ZNF708: variants seen among roughly 807,000 people sequenced by gnomAD.
The protein encoded by ZNF708 is ZNF15, ZNF15L1.
Under a neutral mutation model 47.0 loss-of-function variants are expected in ZNF708, and 44 were observed. That is an observed-to-expected ratio of 0.94 (90% confidence interval 0.74 to 1.20). ZNF708 has a LOEUF of 1.20. ZNF708 is among the 50% of genes most tolerant of loss of function. ZNF708 has a pLI of 0.00. For missense variants in ZNF708, 557 were observed against 656.0 expected, an observed-to-expected ratio of 0.85 and a Z score of 1.65; for synonymous variants, 184 against 218.5, an observed-to-expected ratio of 0.84 and a Z score of 1.39.
rs200005061 is a variant in ZNF708, at chr19:21,310,477, A to T, written c.130+24T>A. 0.012 allele frequency: 4,483 copies of T among 385,458 alleles called. 100 individuals carry two copies. In the East Asian group the frequency reaches 0.22, roughly 19 times the overall value. The allele number at this position is 385,458 out of a possible 1,614,324, so 23.9% of individuals were successfully genotyped here. A position where few individuals can be genotyped will look rare whatever the true frequency, so the allele number is the denominator to read the frequency against. The stretch of plus-strand genomic sequence containing the variant: ...AAAATAATAATAAATAATAAAAATT[A>T]AAAAAAAAAAAACTTATCCTCACCC... On this transcript the variant is annotated intron_variant, in intron 2 of 3. Coordinates refer to ENST00000356929, the MANE Select transcript of ZNF708 (RefSeq NM_021269.3).
intron 3 of ZNF708, chr19:21,307,004 AT>A (rs1449156886): frequency 6.7e-6 from 1 of 148,590 alleles, no homozygotes; most frequent in Non-Finnish European, 1.5e-5. Context: ...ATAACATAAC[AT>A]AACATAAAAC....
At chr19:21,328,988 G>C (rs911386904) in intron 1 of ZNF708, among the ~76,000 whole-genome samples, 12 of 152,186 alleles carry the variant, frequency 7.9e-5, no homozygotes, top group Non-Finnish European at 1.6e-4. Flanking sequence ...TGCAGGCCAG[G>C]GCACAGTCAC....
intron 3 of ZNF708, chr19:21,306,954 ATAAC>A (rs1218027459): frequency 6.4e-4 from 9 of 14,000 alleles, no homozygotes; most frequent in South Asian, 1.9e-3. Flanking sequence ...CAAAAGAAAA[ATAAC>A]ATAACATAAC....
At chr19:21,310,216 G>A (rs1019061308) in intron 2 of ZNF708, among the ~76,000 whole-genome samples, 9 of 152,016 alleles carry the variant, frequency 5.9e-5, no homozygotes, top group African/African-American at 2.2e-4. Context: ...GGAGGCTGAG[G>A]CGGGCAGACC....
chr19:21,316,031 T>C lies in ZNF708; in HGVS notation c.4-5404A>G, dbSNP rs1035779692. Among the ~76,000 whole-genome samples the C allele has an allele frequency of 3.5e-5, 5 of 141,784 alleles. No homozygotes were observed. In the East Asian group the frequency reaches 8.9e-4, roughly 25 times the overall value. The allele number at this position is 141,784 out of a possible 152,430, so 93.0% of individuals were successfully genotyped here. The stretch of plus-strand genomic sequence containing the variant: ...TTGCAGTGAGCCGAGTTCGTGCCAT[T>C]GCACTCCAGCCTGGACAACAAGAGT... On this transcript the variant is annotated intron_variant, in intron 1 of 3. Transcript: ENST00000356929.
chr19:21,307,158 T>TAAA (rs1568349340), intron 3 of ZNF708, among the ~76,000 whole-genome samples: 15 of 113,702 alleles, frequency 1.3e-4, no homozygotes, highest in African/African-American at 1.9e-4. Flanking sequence ...TAAAATATAA[T>TAAA]ATAAAATAAA....
chr19:21,310,375 G>A (rs1460438843), intron 2 of ZNF708, 126 bp downstream of exon 2: 4 of 301,988 alleles, frequency 1.3e-5, no homozygotes, highest in East Asian at 1.1e-4. Flanking sequence ...AACCCTGGAG[G>A]CAAAGGTTGC....
intron 3 of ZNF708, among the ~76,000 whole-genome samples, chr19:21,301,721 C>G (rs1395903007): frequency 6.6e-6 from 1 of 152,080 alleles, no homozygotes; most frequent in African/African-American, 2.4e-5. Context: ...CACTTGAACT[C>G]GGGAGGTGGA....
intron 3 of ZNF708, among the ~76,000 whole-genome samples, chr19:21,300,967 C>T (rs1198422255): frequency 6.6e-6 from 1 of 151,860 alleles, no homozygotes; most frequent in African/African-American, 2.4e-5. Context: ...GCCTGTCATA[C>T]ACAATTATAA....
At chr19:21,311,328 A>G (rs1972894365) in intron 1 of ZNF708, among the ~76,000 whole-genome samples, 3 of 152,102 alleles carry the variant, frequency 2.0e-5, no homozygotes, top group African/African-American at 4.8e-5. Flanking sequence ...AAAATAATTA[A>G]CTCTATGGTG....
rs1193179320 is a variant in ZNF708, at chr19:21,310,533, A to G, written c.98T>C (p.Met33Thr). ...TAQQNLYRNV[M>T]LENYRNLVFL... ...TACCAGGTTTCTATAATTCTCTAAC[A>G]TGACATTCCTATATAAATTCTGCTG... Residue 33 changes from methionine to threonine, a missense_variant, in exon 2 of 4, where the codon ATG becomes ACG. Transcript: ENST00000356929. 6.8e-6 allele frequency: 10 copies of G among 1,464,176 alleles called. No homozygotes were observed. Among genetic ancestry groups the G allele is most frequent in the Non-Finnish European group, 8.2e-6 (9 of 1,103,370 alleles). 90.7% of individuals were successfully genotyped at this position (1,464,176 alleles called of 1,614,324 possible).
chr19:21,319,463 A>T (rs200966995), intron 1 of ZNF708, among the ~76,000 whole-genome samples: 34 of 105,716 alleles, frequency 3.2e-4, no homozygotes, highest in African/African-American at 6.6e-4. Context: ...TTTTTTTTTT[A>T]ATTTTTTGAG....
chr19:21,307,080 T>C (rs1972790772), intron 3 of ZNF708: 1 of 110,658 alleles, frequency 9.0e-6, no homozygotes, highest in African/African-American at 3.5e-5. Flanking sequence ...TAAAATAAAA[T>C]AAAATATAAA....
chr19:21,299,182 C>T (rs1018338232), intron 3 of ZNF708, among the ~76,000 whole-genome samples: 1 of 152,034 alleles, frequency 6.6e-6, no homozygotes, highest in East Asian at 1.9e-4. Flanking sequence ...GGTGAAACCC[C>T]GTCTCTACTA....
In ZNF708 at chr19:21,329,071, T is replaced by C. The variant is rs962441657; in HGVS notation, c.3+139A>G. On this transcript the variant is annotated intron_variant, in intron 1 of 3. Transcript: ENST00000356929. ...CCGCCATCTTATGGCTGAAGGGGACTGAGGCCGAGCTAGGCAAGGAGAACT... is the reference window on the plus strand; with the variant it reads ...CCGCCATCTTATGGCTGAAGGGGACCGAGGCCGAGCTAGGCAAGGAGAACT... 6.7e-6 allele frequency: 9 copies of C among 1,333,540 alleles called. No individual in the cohort carries two copies. The Admixed American group carries it at 1.6e-4, about 23-fold the overall frequency. 82.6% of individuals were successfully genotyped at this position (1,333,540 alleles called of 1,614,324 possible). A position where few individuals can be genotyped will look rare whatever the true frequency, so the allele number is the denominator to read the frequency against.
At chr19:21,308,292 T>C (rs2145167215) in intron 3 of ZNF708, among the ~76,000 whole-genome samples, 1 of 151,896 alleles carries the variant, frequency 6.6e-6, no homozygotes, top group East Asian at 1.9e-4. Flanking sequence ...TTTTTTTTTT[T>C]TTTTGAGATT....
Position 21,329,200 on chromosome 19 carries a change from G to A in ZNF708, c.3+10C>T, listed in dbSNP as rs776343693. 21 of 1,611,844 alleles carry A rather than the reference G, an allele frequency of 1.3e-5. No individual in the cohort carries two copies. The highest frequency in any genetic ancestry group is 5.3e-5 in the African/African-American group (4 of 74,854). ...TTCCCCTCTCTCGGGATGTCGGACG[G>A]CACTCTCACCATTTCTAGGCTTCCA... is the stretch of plus-strand genomic sequence containing the variant. On this transcript the variant is annotated intron_variant, in intron 1 of 3. Transcript: ENST00000356929.
At chr19:21,325,995 A>T (rs1339528790) in intron 1 of ZNF708, among the ~76,000 whole-genome samples, 1 of 152,214 alleles carries the variant, frequency 6.6e-6, no homozygotes, top group Non-Finnish European at 1.5e-5. Flanking sequence ...GGGAAATGCA[A>T]ATCAAAACCA....
chr19:21,302,345 A>G (rs189841078), intron 3 of ZNF708, among the ~76,000 whole-genome samples: 1 of 152,314 alleles, frequency 6.6e-6, no homozygotes, highest in East Asian at 1.9e-4. Flanking sequence ...ATAACTACTG[A>G]AAAATATAAA....
Sources: allele counts gnomAD v4.1 joint callset (sites outside exome capture counted in the v4.1 genomes callset), GRCh38; gene constraint gnomAD v4.1.1; transcripts MANE v1.5; gene names NCBI Gene and HGNC (gene_info 2026-07-23, HGNC 2026-07-21).